The following DLG2 variants were observed in gnomAD, a reference collection of about 807,000 sequenced individuals.
DLG2 encodes the protein discs large MAGUK scaffold protein 2.
Under a neutral mutation model 132.5 loss-of-function variants are expected in DLG2, and 45 were observed. The observed-to-expected ratio is 0.34, with a 90% confidence interval of 0.27 to 0.44. The LOEUF (loss-of-function observed/expected upper bound fraction) is 0.44. Among genes scored for constraint, DLG2 ranks in the 20% least tolerant of loss-of-function variants. The pLI is 1.00. For missense variants in DLG2, 1,045 were observed against 1,196.9 expected, an observed-to-expected ratio of 0.87 and a Z score of 1.87; for synonymous variants, 424 against 419.6, an observed-to-expected ratio of 1.01 and a Z score of -0.13.
At chr11:84,030,258 T>A (rs543986864) in intron 11 of DLG2, among the ~76,000 whole-genome samples, 27 of 152,264 alleles carry the variant, frequency 1.8e-4, no homozygotes, top group African/African-American at 6.0e-4. Context: ...TTACTGATAA[T>A]TGAGGAAAAT....
intron 22 of DLG2, among the ~76,000 whole-genome samples, chr11:83,482,672 G>A (rs1420882225): frequency 5.3e-5 from 8 of 150,708 alleles, no homozygotes; most frequent in Admixed American, 4.0e-4. Flanking sequence ...CCGCAAGTCA[G>A]AAAAAAAAAT....
At chr11:84,263,312 GA>G (rs1395259739) in intron 7 of DLG2, among the ~76,000 whole-genome samples, 1 of 152,020 alleles carries the variant, frequency 6.6e-6, no homozygotes, top group Non-Finnish European at 1.5e-5. Flanking sequence ...TAGGAGACAG[GA>G]CATTAAGAAA....
At chr11:83,707,957 T>C (rs140231185) in intron 18 of DLG2, among the ~76,000 whole-genome samples, 279 of 152,324 alleles carry the variant, frequency 1.8e-3, no homozygotes, top group African/African-American at 6.6e-3. Context: ...TAACTAGTTA[T>C]ATGATCTTGA....
intron 7 of DLG2, among the ~76,000 whole-genome samples, chr11:84,253,265 G>C (rs1567076643): frequency 6.6e-6 from 1 of 152,122 alleles, no homozygotes; most frequent in Non-Finnish European, 1.5e-5. Flanking sequence ...GCAACTTTCT[G>C]ATTGTATGAT....
chr11:83,811,092 G>A lies in DLG2; in HGVS notation c.1722+22522C>T, dbSNP rs182335546. On this transcript the variant is annotated intron_variant, in intron 17 of 27. Transcript: ENST00000376104. ...GTTTTGTCCAGCAGACTCAGGATTG[G>A]AATTTTGACTCTGTACATCTATTAA... 1.0e-4 allele frequency among the ~76,000 whole-genome samples: 15 copies of A among 150,708 alleles called. No homozygotes were observed. The East Asian group carries it at 2.8e-3, about 28-fold the overall frequency.
intron 9 of DLG2, among the ~76,000 whole-genome samples, chr11:84,115,794 G>A (rs577490070): frequency 5.3e-5 from 8 of 152,104 alleles, no homozygotes; most frequent in African/African-American, 1.4e-4. Flanking sequence ...TTTTCTTCAT[G>A]TCCTTTATCA....
chr11:84,939,330 A>C (rs922791175), intron 6 of DLG2, among the ~76,000 whole-genome samples: 7 of 152,190 alleles, frequency 4.6e-5, no homozygotes, highest in African/African-American at 1.4e-4. Flanking sequence ...AGAGACATAC[A>C]TTGCATAATA....
chr11:84,578,355 C>T (rs1285303357), intron 6 of DLG2, among the ~76,000 whole-genome samples: 6 of 152,204 alleles, frequency 3.9e-5, no homozygotes, highest in African/African-American at 1.4e-4. Context: ...AAGCCTCAGA[C>T]ACTCAATGCC....
intron 11 of DLG2, among the ~76,000 whole-genome samples, chr11:84,002,612 C>T (rs1328181640): frequency 6.6e-6 from 1 of 152,118 alleles, no homozygotes; most frequent in Non-Finnish European, 1.5e-5. Flanking sequence ...TACGTTGGCC[C>T]CTTTTACTCA....
intron 8 of DLG2, among the ~76,000 whole-genome samples, chr11:84,210,846 T>C (rs1369263038): frequency 2.0e-5 from 3 of 152,144 alleles, no homozygotes; most frequent in Non-Finnish European, 4.4e-5. Context: ...GGGCACAGAC[T>C]GAAAAAAAGA....
chr11:84,368,471 C>T (rs2098692955), intron 7 of DLG2, among the ~76,000 whole-genome samples: 1 of 152,014 alleles, frequency 6.6e-6, no homozygotes, highest in South Asian at 2.1e-4. Flanking sequence ...TGTGCTCAAA[C>T]CATCTACTAG....
At chr11:85,288,713 A>G (rs764097095) in intron 3 of DLG2, among the ~76,000 whole-genome samples, 1 of 152,124 alleles carries the variant, frequency 6.6e-6, no homozygotes, top group Non-Finnish European at 1.5e-5. Flanking sequence ...TTCTGTAAAC[A>G]TATCTGCAGC....
chr11:83,701,844 G>A (rs1418140885), intron 18 of DLG2, among the ~76,000 whole-genome samples: 1 of 152,196 alleles, frequency 6.6e-6, no homozygotes, highest in Non-Finnish European at 1.5e-5. Context: ...AGCTTGATAG[G>A]TAAGCCTGGA....
intron 7 of DLG2, among the ~76,000 whole-genome samples, chr11:84,341,549 T>A (rs891869464): frequency 6.6e-6 from 1 of 152,202 alleles, no homozygotes; most frequent in African/African-American, 2.4e-5. Flanking sequence ...ATTCTAGAGA[T>A]ATACCCAGGT....
At chr11:84,492,922 A>G (rs2099169087) in intron 7 of DLG2, among the ~76,000 whole-genome samples, 2 of 152,156 alleles carry the variant, frequency 1.3e-5, no homozygotes, top group African/African-American at 4.8e-5. Context: ...AGGCATGCTT[A>G]TATAATAATA....
upstream of DLG2, chr11:85,627,755 C>T (rs902001386): frequency 2.0e-5 from 3 of 152,260 alleles, no homozygotes; most frequent in African/African-American, 7.2e-5. Flanking sequence ...AAGCCCCGTT[C>T]TTTTAGGGAA....
intron 23 of DLG2, 50 bp from the exon 24 acceptor site, chr11:83,471,777 A>C: frequency 1.4e-6 from 2 of 1,446,470 alleles, no homozygotes; most frequent in Non-Finnish European, 9.7e-7. Flanking sequence ...GTTGGAAACA[A>C]CTGCAAAACT....
At chr11:85,010,109 A>G (rs1290550122) in intron 6 of DLG2, among the ~76,000 whole-genome samples, 1 of 152,120 alleles carries the variant, frequency 6.6e-6, no homozygotes, top group Non-Finnish European at 1.5e-5. Context: ...CGGAGCCAAA[A>G]CATATAGTAC....
At chr11:83,861,322 G>A (rs547483624) in intron 16 of DLG2, among the ~76,000 whole-genome samples, 1 of 152,280 alleles carries the variant, frequency 6.6e-6, no homozygotes, top group African/African-American at 2.4e-5. Flanking sequence ...CAGTTTGGAT[G>A]TTCCTCAAAA....
Sources: allele counts gnomAD v4.1 joint callset (sites outside exome capture counted in the v4.1 genomes callset), GRCh38; gene constraint gnomAD v4.1.1; transcripts MANE v1.5; gene names NCBI Gene and HGNC (gene_info 2026-07-23, HGNC 2026-07-21).